Variants in RBFOX1 observed in about 807,000 individuals in gnomAD.
RBFOX1 encodes RNA binding protein fox-1 homolog 1.
A neutral mutation model predicts 57.7 loss-of-function variants in RBFOX1; 8 were observed. The ratio of observed to expected loss-of-function variants is 0.14; its 90% CI spans 0.08 to 0.25. RBFOX1 has a LOEUF of 0.25. RBFOX1 is among the 10% of genes least tolerant of loss of function. The pLI is 1.00. For missense variants in RBFOX1, 611 were observed against 548.5 expected (o/e 1.11, Z -1.14); for synonymous variants, 326 against 222.4 (o/e 1.47, Z -4.15).
intron 14 of RBFOX1, among the ~76,000 whole-genome samples, chr16:7,683,332 A>T (rs1010994963): frequency 6.6e-6 from 1 of 151,314 alleles, no homozygotes; most frequent in Non-Finnish European, 1.5e-5. Flanking sequence ...ACACAGAGAC[A>T]GACAGACAGA....
chr16:5,894,308 A>G (rs2058109266), intron 4 of RBFOX1, among the ~76,000 whole-genome samples: 1 of 152,138 alleles, frequency 6.6e-6, no homozygotes, highest in Non-Finnish European at 1.5e-5. Flanking sequence ...TATGAGATGG[A>G]GTGTTGCTGT....
intron 1 of RBFOX1, among the ~76,000 whole-genome samples, chr16:5,454,768 T>TCTTTCTTTCTTTCTTTCCCTTTC (rs2068532393): frequency 6.0e-5 from 1 of 16,722 alleles, no homozygotes; most frequent in African/African-American, 3.1e-4. Flanking sequence ...TCTTTCTTTC[T>TCTTTCTTTCTTTCTTTCCCTTTC]CTTTCTTTCT....
intron 4 of RBFOX1, among the ~76,000 whole-genome samples, chr16:7,098,939 T>G (rs1007682422): frequency 6.6e-6 from 1 of 152,182 alleles, no homozygotes; most frequent in Admixed American, 6.6e-5. Context: ...GAGGTTGTTT[T>G]TCAACTGATA....
chr16:6,365,973 C>A (rs1207200162), intron 2 of RBFOX1, among the ~76,000 whole-genome samples: 1 of 151,368 alleles, frequency 6.6e-6, no homozygotes, highest in African/African-American at 2.4e-5. Context: ...CCCTCCTTCT[C>A]TGGGTGTTTT....
intron 3 of RBFOX1, among the ~76,000 whole-genome samples, chr16:6,933,188 G>A (rs1486691419): frequency 6.6e-6 from 1 of 152,198 alleles, no homozygotes; most frequent in East Asian, 1.9e-4. Context: ...TACTGTGAAT[G>A]ATGCTATGAA....
Position 5,378,354 on chromosome 16 carries a change from C to G in RBFOX1, c.220-88862C>G, listed in dbSNP as rs188005366. On this transcript the variant is annotated intron_variant, in intron 1 of 2. Coordinates refer to the RBFOX1 transcript ENST00000585867. ...CCAGTCGGACTCTCGCTCTCCAACACCTGCATCCATAGTTGCCATCCTCGT... is the reference window on the plus strand; with the variant it reads ...CCAGTCGGACTCTCGCTCTCCAACAGCTGCATCCATAGTTGCCATCCTCGT... Among the ~76,000 whole-genome samples the G allele has an allele frequency of 9.8e-4, 149 of 151,682 alleles. 3 individuals are homozygous for G. The highest frequency in any genetic ancestry group is 3.5e-3 in the African/African-American group (142 of 40,936).
rs1477174923 is a variant in RBFOX1 at position 7,695,678 on chromosome 16, C to G, written c.996-13378C>G. 2.0e-5 allele frequency among the ~76,000 whole-genome samples: 3 copies of G among 147,398 alleles called. No individual in the cohort carries two copies. The South Asian group carries it at 6.5e-4, about 32-fold the overall frequency. ...AAAAAAAAAAAAAAAAAAAATCCTG[C>G]TGTGCCCACTACCCACATTCTAAAC... On this transcript the variant is annotated intron_variant, in intron 14 of 15. Transcript: ENST00000550418.
At chr16:6,853,221 C>A (rs74007112) in intron 3 of RBFOX1, among the ~76,000 whole-genome samples, 1 of 151,990 alleles carries the variant, frequency 6.6e-6, no homozygotes, top group Non-Finnish European at 1.5e-5. Context: ...CTTTTGTGAG[C>A]ATTAATGATA....
intron 3 of RBFOX1, among the ~76,000 whole-genome samples, chr16:6,683,022 C>A (rs2058902141): frequency 6.6e-6 from 1 of 152,066 alleles, no homozygotes; most frequent in African/African-American, 2.4e-5. Flanking sequence ...AGGACAGCTT[C>A]TCCATCCATA....
chr16:7,569,715 C>G (rs958027143), intron 5 of RBFOX1, among the ~76,000 whole-genome samples: 4 of 152,168 alleles, frequency 2.6e-5, no homozygotes, highest in African/African-American at 9.7e-5. Context: ...TGAAATACAG[C>G]TAGTGAGGCC....
intron 4 of RBFOX1, among the ~76,000 whole-genome samples, chr16:7,152,043 C>A (rs1312323235): frequency 6.6e-6 from 1 of 152,126 alleles, no homozygotes; most frequent in East Asian, 1.9e-4. Flanking sequence ...TTTATGGACC[C>A]CTGCTCTAGA....
At chr16:5,785,743 T>C (rs940583068) in intron 3 of RBFOX1, among the ~76,000 whole-genome samples, 4 of 152,070 alleles carry the variant, frequency 2.6e-5, no homozygotes, top group Non-Finnish European at 4.4e-5. Context: ...TTCAGGTTGG[T>C]CTTGAACTCC....
intron 3 of RBFOX1, among the ~76,000 whole-genome samples, chr16:7,018,998 A>C (rs1295965086): frequency 6.6e-6 from 1 of 152,136 alleles, no homozygotes; most frequent in African/African-American, 2.4e-5. Flanking sequence ...AGCAAAGAAG[A>C]AGCAAAAAGA....
chr16:7,581,933 T>C (rs894539329), intron 6 of RBFOX1, among the ~76,000 whole-genome samples: 8 of 151,872 alleles, frequency 5.3e-5, no homozygotes, highest in Non-Finnish European at 1.5e-5. Flanking sequence ...TCCAGGCTGC[T>C]CACAAATTCC....
chr16:5,957,621 T>A (rs1030819224), intron 4 of RBFOX1, among the ~76,000 whole-genome samples: 9 of 152,186 alleles, frequency 5.9e-5, no homozygotes, highest in Non-Finnish European at 1.3e-4. Flanking sequence ...CTTCAATCAC[T>A]TGCATGATGA....
intron 1 of RBFOX1, among the ~76,000 whole-genome samples, chr16:5,257,805 C>G (rs923794722): frequency 1.3e-5 from 2 of 152,134 alleles, no homozygotes; most frequent in African/African-American, 4.8e-5. Flanking sequence ...CTACTCTGCA[C>G]CAAGCCGGGA....
intron 3 of RBFOX1, among the ~76,000 whole-genome samples, chr16:6,850,665 T>G (rs1424484169): frequency 6.6e-6 from 1 of 152,204 alleles, no homozygotes; most frequent in Non-Finnish European, 1.5e-5. Flanking sequence ...CTTCTTTCAT[T>G]TTAACTTCCG....
At chr16:7,642,294 G>A (rs756204597) in intron 11 of RBFOX1, among the ~76,000 whole-genome samples, 74 of 152,280 alleles carry the variant, frequency 4.9e-4, no homozygotes, top group Admixed American at 1.1e-3. Context: ...TTGGCTTTGG[G>A]CATTGATCAA....
intron 4 of RBFOX1, among the ~76,000 whole-genome samples, chr16:7,360,896 T>A (rs1221958842): frequency 1.3e-5 from 2 of 152,334 alleles, no homozygotes; most frequent in African/African-American, 4.8e-5. Context: ...TTAGAGTCCC[T>A]GAATGTATCC....
Sources: allele counts gnomAD v4.1 joint callset (sites outside exome capture counted in the v4.1 genomes callset), GRCh38; gene constraint gnomAD v4.1.1; transcripts MANE v1.5; gene names NCBI Gene and HGNC (gene_info 2026-07-23, HGNC 2026-07-21).